Variants in CCDC6 observed in about 807,000 individuals in gnomAD.
CCDC6 encodes the protein coiled-coil domain-containing protein 6.
CCDC6 carries 20 observed loss-of-function variants against 56.6 expected under a neutral mutation model. The observed-to-expected ratio is 0.35, with a 90% CI of 0.25 to 0.51. CCDC6 has a LOEUF of 0.51. Among genes scored for constraint, CCDC6 ranks in the 20% least tolerant of loss-of-function variants. The probability of loss-of-function intolerance (pLI) is 0.95; values close to 1 mark genes in which losing one functional copy is unlikely to be tolerated. For missense variants in CCDC6, 367 were observed against 601.1 expected (o/e 0.61, Z 4.07); for synonymous variants, 241 against 234.4 (o/e 1.03, Z -0.26).
At chr10:59,816,846 A>G (rs2070713313) in intron 3 of CCDC6, among the ~76,000 whole-genome samples, 1 of 152,170 alleles carries the variant, frequency 6.6e-6, no homozygotes, top group South Asian at 2.1e-4. Flanking sequence ...CCATCAATAT[A>G]TATTAGAGGG....
At chr10:59,882,004 GGGGAGAAGGAAAGGAAA>G (rs2071340550) in intron 1 of CCDC6, among the ~76,000 whole-genome samples, 1 of 66,998 alleles carries the variant, frequency 1.5e-5, no homozygotes, top group Admixed American at 1.6e-4. Flanking sequence ...AAGGAAAGCT[GGGGAGAAGGAAAGGAAA>G]GCCGCGGGGA....
intron 8 of CCDC6, among the ~76,000 whole-genome samples, chr10:59,793,427 C>T (rs2070485372): frequency 3.3e-5 from 5 of 152,204 alleles, no homozygotes; most frequent in Admixed American, 3.3e-4. Flanking sequence ...GTCACCAATT[C>T]CCTCTATTGC....
chr10:59,819,402 T>C (rs936472307), intron 3 of CCDC6, among the ~76,000 whole-genome samples: 3 of 152,176 alleles, frequency 2.0e-5, no homozygotes, highest in African/African-American at 4.8e-5. Flanking sequence ...CTGGCTGACA[T>C]TAAAGAGCAG....
intron 1 of CCDC6, among the ~76,000 whole-genome samples, chr10:59,901,058 C>CA (rs904055827): frequency 4.0e-5 from 6 of 151,164 alleles, no homozygotes; most frequent in East Asian, 3.9e-4. Flanking sequence ...CACACACACA[C>CA]AAAAAAAACA....
chr10:59,805,533 T>G (rs1455428877), intron 6 of CCDC6: 1 of 152,196 alleles, frequency 6.6e-6, no homozygotes, highest in East Asian at 1.9e-4. Context: ...ACATATTTCC[T>G]TAGAGTGTAT....
chr10:59,794,364 G>T lies in CCDC6; in HGVS notation c.1230+109C>A, dbSNP rs1012851039. On this transcript the variant is annotated intron_variant, in intron 8 of 8. Transcript: ENST00000263102. Reference sequence around the variant, plus strand: ...ACAGTTTCAAGGTGAACGGATGGAGGAGGCAGGAAGAAGGGCAAATGTCTA... The same window carrying T: ...ACAGTTTCAAGGTGAACGGATGGAGTAGGCAGGAAGAAGGGCAAATGTCTA... The T allele has an allele frequency of 2.9e-6, 3 of 1,038,678 alleles. No individual in the cohort carries two copies. In the African/African-American group the frequency reaches 4.7e-5, roughly 16 times the overall value. The allele number at this position is 1,038,678 out of a possible 1,614,324, so 64.3% of individuals were successfully genotyped here.
rs142165312 is a variant in CCDC6 at position 59,864,361 on chromosome 10, C to T, written c.304-11659G>A. Among the ~76,000 whole-genome samples, 83 of 152,262 alleles carry T rather than the reference C, an allele frequency of 5.5e-4. No homozygotes were observed. The East Asian group carries it at 0.013, about 24-fold the overall frequency. On this transcript the variant is annotated intron_variant, in intron 1 of 8. Transcript: ENST00000263102. ...GCATAACAACCAAACAATCCTTTCT[C>T]GAAAATAAATCATGCCCGCAAATCA...
chr10:59,804,003 TAA>T (rs1309708431), intron 7 of CCDC6, among the ~76,000 whole-genome samples: 1 of 152,166 alleles, frequency 6.6e-6, no homozygotes, highest in Non-Finnish European at 1.5e-5. Flanking sequence ...ATGACTACAT[TAA>T]TTATTCTGAG....
rs1015584262 is a variant in CCDC6 at position 59,852,110 on chromosome 10, T to C, written c.453+443A>G. Among the ~76,000 whole-genome samples the C allele has an allele frequency of 8.5e-5, 13 of 152,356 alleles. No homozygotes were observed. In the East Asian group the frequency reaches 1.5e-3, roughly 18 times the overall value. On this transcript the variant is annotated intron_variant, in intron 2 of 8. Coordinates refer to ENST00000263102, the MANE Select transcript of CCDC6 (RefSeq NM_005436.5). Reference sequence around the variant, plus strand: ...ACGGTTGATTGTGGGTAGTTTTAACTATCATGGATACCTTTCTACTTCCTA... The same window carrying C: ...ACGGTTGATTGTGGGTAGTTTTAACCATCATGGATACCTTTCTACTTCCTA...
intron 3 of CCDC6, among the ~76,000 whole-genome samples, chr10:59,828,012 T>C (rs2070803436): frequency 6.6e-6 from 1 of 152,224 alleles, no homozygotes; most frequent in Non-Finnish European, 1.5e-5. Context: ...GGCCCTCATA[T>C]CTGATGAGCT....
intron 1 of CCDC6, among the ~76,000 whole-genome samples, chr10:59,897,679 A>G (rs536653187): frequency 6.6e-6 from 1 of 152,284 alleles, no homozygotes; most frequent in African/African-American, 2.4e-5. Context: ...AGCCTCTCTA[A>G]TTCAATCTCA....
chr10:59,874,187 G>C (rs1011916757), intron 1 of CCDC6, among the ~76,000 whole-genome samples: 5 of 151,622 alleles, frequency 3.3e-5, no homozygotes, highest in Admixed American at 1.3e-4. Flanking sequence ...AAGGCACAGG[G>C]AATATAATAA....
At chr10:59,845,219 T>C (rs550433896) in intron 2 of CCDC6, among the ~76,000 whole-genome samples, 18 of 152,286 alleles carry the variant, frequency 1.2e-4, no homozygotes, top group African/African-American at 4.1e-4. Context: ...TAACTCCAGC[T>C]TCACCTAATT....
Position 59,790,153 on chromosome 10 carries a change from G to A in CCDC6, c.*2764C>T, listed in dbSNP as rs2132616764. The stretch of plus-strand genomic sequence containing the variant: ...CAAAGAGGTGTCAGGTATTAGGTAA[G>A]TTAATTTGGTTTTGTATAAAAGGCA... On this transcript the variant is annotated 3_prime_UTR_variant, in exon 9 of 9. Coordinates refer to ENST00000263102, the MANE Select transcript of CCDC6 (RefSeq NM_005436.5). The A allele has an allele frequency of 9.3e-6, 2 of 215,918 alleles. No homozygotes were observed. The highest frequency in any genetic ancestry group is 4.5e-5 in the African/African-American group (2 of 44,456). The allele number at this position is 215,918 out of a possible 1,614,324, so 13.4% of individuals were successfully genotyped here.
intron 1 of CCDC6, among the ~76,000 whole-genome samples, chr10:59,902,365 A>T (rs1318763824): frequency 6.6e-6 from 1 of 151,328 alleles, no homozygotes; most frequent in Non-Finnish European, 1.5e-5. Context: ...GACTACAGCA[A>T]ATGTTGGTGA....
At chr10:59,822,067 A>T (rs1255724737) in intron 3 of CCDC6, among the ~76,000 whole-genome samples, 3 of 152,234 alleles carry the variant, frequency 2.0e-5, no homozygotes, top group Non-Finnish European at 4.4e-5. Flanking sequence ...CCTTCAGAAG[A>T]ATAAATGACA....
rs192619180 is a variant in CCDC6 at position 59,870,702 on chromosome 10, T to C, written c.304-18000A>G. On this transcript the variant is annotated intron_variant, in intron 1 of 8. Coordinates refer to ENST00000263102, the MANE Select transcript of CCDC6 (RefSeq NM_005436.5). ...GAAGTGGTATGCAACTTTGGAGTCA[T>C]AGCTTTTAAAAAGAAGCAGTTATCC... 2.6e-4 allele frequency among the ~76,000 whole-genome samples: 39 copies of C among 152,314 alleles called. 1 individual carries two copies. The highest frequency in any genetic ancestry group is 9.8e-4 in the Admixed American group (15 of 15,296).
At chr10:59,812,816 C>A in intron 4 of CCDC6, 21 bp from the exon 5 acceptor site, 1 of 1,561,716 alleles carries the variant, frequency 6.4e-7, no homozygotes, top group South Asian at 1.2e-5. Flanking sequence ...AAGAAAAATT[C>A]CAACAATGAC....
intron 1 of CCDC6, among the ~76,000 whole-genome samples, chr10:59,871,986 G>T (rs2071233951): frequency 6.6e-6 from 1 of 152,172 alleles, no homozygotes; most frequent in South Asian, 2.1e-4. Context: ...AAATTCTCAA[G>T]TATAAAGAAA....
Sources: allele counts gnomAD v4.1 joint callset (sites outside exome capture counted in the v4.1 genomes callset), GRCh38; gene constraint gnomAD v4.1.1; transcripts MANE v1.5; gene names NCBI Gene and HGNC (gene_info 2026-07-23, HGNC 2026-07-21).